Variants in SHKBP1 observed in about 807,000 individuals in gnomAD.
SHKBP1 encodes SH3KBP1 binding protein 1, also known as SH3KBP1-binding protein 1.
A neutral mutation model predicts 83.9 loss-of-function variants in SHKBP1; 71 were observed. That is an observed-to-expected ratio of 0.85 (90% CI 0.70 to 1.03). SHKBP1 has a LOEUF of 1.03. Among genes scored for constraint, SHKBP1 ranks in the 50% least tolerant of loss-of-function variants. The pLI is 0.00. For synonymous variants in SHKBP1, 371 were observed against 398.0 expected, an observed-to-expected ratio of 0.93 and a Z score of 0.81; for missense variants, 824 against 982.4, an observed-to-expected ratio of 0.84 and a Z score of 2.16.
chr19:40,580,735 C>A lies in SHKBP1; in HGVS notation c.654-11C>A. Reference sequence around the variant, plus strand: ...GCGGTGAGGGTTGGTGATGTCCCCTCGATCCTACAGGTTGAAGGAAGCCTC... The same window carrying A: ...GCGGTGAGGGTTGGTGATGTCCCCTAGATCCTACAGGTTGAAGGAAGCCTC... On this transcript the variant is annotated splice_polypyrimidine_tract_variant and intron_variant, in intron 8 of 17. Coordinates refer to ENST00000291842, the MANE Select transcript of SHKBP1 (RefSeq NM_138392.4). 1.2e-6 allele frequency: 2 copies of A among 1,612,676 alleles called. No homozygotes were observed. Among genetic ancestry groups the A allele is most frequent in the African/African-American group, 1.3e-5 (1 of 75,002 alleles).
chr19:40,578,302 A>T (rs1465627149), intron 5 of SHKBP1, 90 bp downstream of exon 5: 6 of 1,506,916 alleles, frequency 4.0e-6, no homozygotes, highest in Non-Finnish European at 4.6e-6. Flanking sequence ...CTCCTGAAAG[A>T]GGGCTGGGGT....
chr19:40,582,666 G>A (rs911241429), intron 10 of SHKBP1, among the ~76,000 whole-genome samples, 200 bp downstream of exon 10: 2 of 152,076 alleles, frequency 1.3e-5, no homozygotes, highest in African/African-American at 4.8e-5. Flanking sequence ...AGGTGCTGCA[G>A]AGCCCACATG....
In SHKBP1 at chr19:40,577,406, G is replaced by A. The variant is rs150564286; in HGVS notation, c.151G>A (p.Gly51Arg). The A allele has an allele frequency of 4.3e-6, 7 of 1,613,882 alleles. No individual in the cohort carries two copies. In the African/African-American group the frequency reaches 8.0e-5, roughly 18 times the overall value. ...GTCCCTTCCCTGCAGTCTTCTGAGC[G>A]GACGCATCTCGACGCTGAAAGATGA... Reference protein sequence around the residue: ...PDSFFSSLLSGRISTLKDETG... With the variant: ...PDSFFSSLLSRRISTLKDETG... The change falls in exon 3 of 18, where the codon GGA (glycine) becomes AGA (arginine). Residue 51 changes from glycine to arginine, a missense_variant. Transcript: ENST00000291842.
chr19:40,589,095 G>A lies in SHKBP1; in HGVS notation c.1506G>A (p.Glu502=). ...SAGNDIGPYG[E]RDDQQVFIQK... The stretch of plus-strand genomic sequence containing the variant: ...TGCCTGGCCCAGGCCCCTACGGTGA[G>A]CGGGACGACCAGCAAGTGTTCATCC... The change falls in exon 15 of 18, where the codon GAG becomes GAA. Residue 502 remains glutamate, a synonymous_variant. Transcript: ENST00000291842. 6.2e-7 allele frequency: 1 copy of A among 1,612,756 alleles called. No homozygotes were observed. The highest frequency in any genetic ancestry group is 1.7e-5 in the Admixed American group (1 of 60,022).
intron 9 of SHKBP1, among the ~76,000 whole-genome samples, chr19:40,581,297 G>A (rs918275179): frequency 8.5e-5 from 13 of 152,082 alleles, no homozygotes; most frequent in African/African-American, 3.1e-4. Context: ...GATCACTTGA[G>A]GTCAGGAGTT....
In SHKBP1 at chr19:40,580,489, C is replaced by T. The variant is rs749139528; in HGVS notation, c.562+4C>T. The T allele has an allele frequency of 2.0e-5, 33 of 1,612,826 alleles. No individual in the cohort carries two copies. The highest frequency in any genetic ancestry group is 1.6e-4 in the Middle Eastern group (1 of 6,076). The stretch of plus-strand genomic sequence containing the variant: ...AAAACCCCTCCCTCACCCTCAGGTA[C>T]GTTTCTATCTCGTGGAAGGTTGGGG... On this transcript the variant is annotated splice_donor_region_variant and intron_variant, in intron 7 of 17. Transcript: ENST00000291842.
Position 40,577,002 on chromosome 19 carries a change from C to T in SHKBP1, c.86+17C>T. 6.7e-7 allele frequency: 1 copy of T among 1,488,772 alleles called. No homozygotes were observed. The highest frequency in any genetic ancestry group is 9.0e-7 in the Non-Finnish European group (1 of 1,105,788). The allele number at this position is 1,488,772 out of a possible 1,614,324, so 92.2% of individuals were successfully genotyped here. On this transcript the variant is annotated intron_variant, in intron 1 of 17. Coordinates refer to ENST00000291842, the MANE Select transcript of SHKBP1 (RefSeq NM_138392.4). The stretch of plus-strand genomic sequence containing the variant: ...AGGCAAGAGGTGAGTGTGGGAGACT[C>T]CTGAGGTCCCATCCTCGGGGGCGGG...
intron 6 of SHKBP1, among the ~76,000 whole-genome samples, chr19:40,578,868 T>C (rs1431729200): frequency 6.6e-6 from 1 of 152,058 alleles, no homozygotes; most frequent in Non-Finnish European, 1.5e-5. Flanking sequence ...AGGAAGTTAT[T>C]GACAGTAATG....
At chr19:40,589,685 A>C (rs1412337978) in intron 15 of SHKBP1, among the ~76,000 whole-genome samples, 2 of 151,850 alleles carry the variant, frequency 1.3e-5, no homozygotes, top group African/African-American at 2.4e-5. Flanking sequence ...CTAGAGGACA[A>C]GTAGGAAGGA....
At chr19:40,583,828 G>A (rs886905871) in intron 12 of SHKBP1, 111 bp downstream of exon 12, 14 of 787,998 alleles carry the variant, frequency 1.8e-5, no homozygotes, top group Non-Finnish European at 3.0e-5. Flanking sequence ...TCGAGGGGCG[G>A]CAGATTCAAC....
At chr19:40,582,999 T>G (rs1354414015) in intron 10 of SHKBP1, among the ~76,000 whole-genome samples, 1 of 150,304 alleles carries the variant, frequency 6.7e-6, no homozygotes, top group African/African-American at 2.5e-5. Flanking sequence ...GGAGATGAAT[T>G]AGAGTCATGT....
At chr19:40,589,011 A>G (rs1258517615) in intron 14 of SHKBP1, 71 bp from the exon 15 acceptor site, 36 of 1,503,784 alleles carry the variant, frequency 2.4e-5, no homozygotes, top group Non-Finnish European at 2.9e-5. Flanking sequence ...GGTGGGTTTC[A>G]TCAGTGGGGA....
Position 40,590,082 on chromosome 19 carries a change from A to G in SHKBP1, c.1590-162A>G, listed in dbSNP as rs1027309676. 43 of 759,236 alleles carry G rather than the reference A, an allele frequency of 5.7e-5. No homozygotes were observed. Among genetic ancestry groups the G allele is most frequent in the Non-Finnish European group, 8.6e-5 (42 of 489,672 alleles). The allele number at this position is 759,236 out of a possible 1,614,324, so 47.0% of individuals were successfully genotyped here. A position where few individuals can be genotyped will look rare whatever the true frequency, so the allele number is the denominator to read the frequency against. On this transcript the variant is annotated intron_variant, in intron 15 of 17. Transcript: ENST00000291842. This position sits in a 1 kb window ranked among gnomAD's most constrained non-coding sequence, Gnocchi z 4.6. ...TGGGTGTTTGGGGCTGCGGTGTCCA[A>G]GAGCTGCTGGACCCTTGGGACTGGA...
chr19:40,587,830 A>G (rs1235898810), intron 13 of SHKBP1, among the ~76,000 whole-genome samples: 1 of 151,952 alleles, frequency 6.6e-6, no homozygotes, highest in African/African-American at 2.4e-5. Context: ...CTTGAGCCCA[A>G]GAGTCAGGGG....
chr19:40,584,302 G>C (rs1187699840), intron 12 of SHKBP1, among the ~76,000 whole-genome samples: 1 of 152,196 alleles, frequency 6.6e-6, no homozygotes, highest in African/African-American at 2.4e-5. Flanking sequence ...ATTAAGGCAT[G>C]ATGTTCACAT....
intron 6 of SHKBP1, among the ~76,000 whole-genome samples, chr19:40,579,630 C>T (rs900507022): frequency 7.0e-4 from 106 of 152,280 alleles, no homozygotes; most frequent in African/African-American, 2.4e-3. Flanking sequence ...CTCATTACAC[C>T]CCAGCCTGGG....
Position 40,583,451 on chromosome 19 carries a change from C to T in SHKBP1, c.1014C>T (p.Leu338=), listed in dbSNP as rs769896063. The T allele has an allele frequency of 3.3e-5, 53 of 1,608,168 alleles. No individual in the cohort carries two copies. Among genetic ancestry groups the T allele is most frequent in the Non-Finnish European group, 4.3e-5 (51 of 1,177,490 alleles). Residue 338 remains leucine, a synonymous_variant, in exon 11 of 18, where the codon CTC becomes CTT. Coordinates refer to ENST00000291842, the MANE Select transcript of SHKBP1 (RefSeq NM_138392.4). ...ATGACGCGGCAGGCTCCTTCCTCCT[C>T]CTGGGCTGCAACAACGGCTCCATTT... ...TSYDAAGSFL[L]LGCNNGSIYY... is the part of the protein sequence containing the mutation.
At position 40,590,863 on chromosome 19, in the gene SHKBP1, A is replaced by G; in HGVS notation, c.1892+10A>G. ...GCATCTCCCTCACCAGGTAGCCACA[A>G]CTCCACTGCCCCTTCTGTGCAATGA... On this transcript the variant is annotated intron_variant, in intron 17 of 17. Transcript: ENST00000291842. The surrounding 1 kb of genome is among the most constrained non-coding windows in gnomAD (Gnocchi z 4.6). 2 of 1,573,970 alleles carry G rather than the reference A, an allele frequency of 1.3e-6. No homozygotes were observed. Among genetic ancestry groups the G allele is most frequent in the Non-Finnish European group, 1.7e-6 (2 of 1,152,046 alleles).
chr19:40,587,495 G>A (rs2081321995), intron 13 of SHKBP1, among the ~76,000 whole-genome samples: 2 of 152,202 alleles, frequency 1.3e-5, no homozygotes, highest in African/African-American at 4.8e-5. Flanking sequence ...GGAGGCCGAG[G>A]GAGGAGAATT....
Sources: gnomAD v4.1 joint callset for allele counts (sites outside exome capture counted in the v4.1 genomes callset) on GRCh38, gnomAD v4.1.1 for gene constraint, Gnocchi (gnomAD v3.1) non-coding constraint, MANE v1.5 for transcripts, NCBI Gene and HGNC (gene_info 2026-07-23, HGNC 2026-07-21) for gene names.